Variants in HIVEP2 observed in about 807,000 individuals in gnomAD.
The protein encoded by HIVEP2 is HIVEP zinc finger 2.
HIVEP2 carries 14 observed loss-of-function variants against 180.7 expected under a neutral mutation model. The observed-to-expected ratio is 0.08, with a 90% CI of 0.05 to 0.12. HIVEP2 has a LOEUF of 0.12. Ranked by LOEUF, HIVEP2 falls within the 10% of genes least tolerant of loss-of-function variation. The pLI is 1.00. For synonymous variants in HIVEP2, 1,184 were observed against 1,136.4 expected (o/e 1.04, Z -0.84); for missense variants, 2,579 against 3,008.5 (o/e 0.86, Z 3.34).
At chr6:142,802,505 C>A (rs1303897893) in intron 2 of HIVEP2, among the ~76,000 whole-genome samples, 5 of 151,598 alleles carry the variant, frequency 3.3e-5, no homozygotes, top group Admixed American at 3.3e-4. Context: ...ACATCTGAGT[C>A]TTGGCCATGA....
chr6:142,822,705 T>C (rs1182175024), intron 2 of HIVEP2, among the ~76,000 whole-genome samples: 1 of 152,228 alleles, frequency 6.6e-6, no homozygotes, highest in East Asian at 1.9e-4. Flanking sequence ...AATGATTGCA[T>C]TGTGTCCCTG....
rs1244947034 is a variant in HIVEP2, at chr6:142,752,871, C to G, written c.*236G>C. 1 of 455,562 alleles carries G rather than the reference C, an allele frequency of 2.2e-6. No individual in the cohort carries two copies. Among genetic ancestry groups the G allele is most frequent in the Non-Finnish European group, 3.9e-6 (1 of 257,084 alleles). The allele number at this position is 455,562 out of a possible 1,614,324, so 28.2% of individuals were successfully genotyped here. ...AAGCAAAGTAAAGAAAAGGCACAAA[C>G]ATCTGTACAATTTTAAAAGTACCAG... is the stretch of plus-strand genomic sequence containing the variant. On this transcript the variant is annotated 3_prime_UTR_variant, in exon 10 of 10. Coordinates refer to ENST00000367603, the MANE Select transcript of HIVEP2 (RefSeq NM_006734.4).
intron 2 of HIVEP2, among the ~76,000 whole-genome samples, chr6:142,797,261 A>T (rs1384755018): frequency 2.6e-5 from 4 of 152,156 alleles, no homozygotes; most frequent in African/African-American, 9.7e-5. Context: ...ATTAAAAAAA[A>T]ATTTTTTAGA....
intron 1 of HIVEP2, among the ~76,000 whole-genome samples, chr6:142,921,285 C>T (rs1237131867): frequency 6.6e-6 from 1 of 152,200 alleles, no homozygotes; most frequent in East Asian, 1.9e-4. Flanking sequence ...CTCATGCCTG[C>T]AATCCCAGCA....
intron 2 of HIVEP2, among the ~76,000 whole-genome samples, chr6:142,812,501 T>G (rs1284814758): frequency 6.6e-6 from 1 of 152,318 alleles, no homozygotes; most frequent in Non-Finnish European, 1.5e-5. Context: ...CTAAGTATCC[T>G]ATACCATGCC....
chr6:142,815,573 C>A (rs1315145913), intron 2 of HIVEP2, among the ~76,000 whole-genome samples: 1 of 152,138 alleles, frequency 6.6e-6, no homozygotes, highest in African/African-American at 2.4e-5. Flanking sequence ...ACATTTCTAA[C>A]ATAGATTAAT....
intron 1 of HIVEP2, among the ~76,000 whole-genome samples, chr6:142,937,121 G>C (rs941010368): frequency 1.3e-5 from 2 of 152,160 alleles, no homozygotes; most frequent in Non-Finnish European, 2.9e-5. Flanking sequence ...CAAAGAACCA[G>C]AGAATTTAGT....
intron 3 of HIVEP2, among the ~76,000 whole-genome samples, chr6:142,781,289 C>T (rs1055572199): frequency 6.6e-6 from 1 of 152,044 alleles, no homozygotes; most frequent in African/African-American, 2.4e-5. Context: ...CATATGAAAA[C>T]AGCGAGTCGT....
In HIVEP2 at chr6:142,773,188, T is replaced by C; in HGVS notation, c.1551A>G (p.Lys517=). ...IIPSSIRNEG[K]LYPANFQGSN... is the part of the protein sequence containing the mutation. ...TGCCTTGGAAGTTTGCTGGATAAAG[T>C]TTTCCTTCGTTCCTGATAGATGATG... The change falls in exon 5 of 10, where the codon AAA becomes AAG. Residue 517 remains lysine (K), a synonymous_variant. Transcript: ENST00000367603. 6.2e-7 allele frequency: 1 copy of C among 1,614,190 alleles called. No individual in the cohort carries two copies.
intron 1 of HIVEP2, among the ~76,000 whole-genome samples, chr6:142,893,222 A>C (rs1289561237): frequency 6.6e-6 from 1 of 152,166 alleles, no homozygotes; most frequent in African/African-American, 2.4e-5. Context: ...CCTGAGCCTC[A>C]GTGGGAATAA....
Position 142,774,528 on chromosome 6 carries a change from A to G in HIVEP2, c.211T>C (p.Ser71Pro). The stretch of plus-strand genomic sequence containing the variant: ...ACTTGCTGCACCACTTCACTAGGGG[A>G]GGCCAGTTTCCCAGAACCAAACAGT... ...AQLFGSGKLA[S>P]PSEVVQQVAE... The change falls in exon 5 of 10, where the codon TCC becomes CCC. Residue 71 changes from serine to proline, a missense_variant. Physicochemically the swap from Ser to Pro is moderately conservative, Grantham distance 74. This residue lies in a region of HIVEP2 where 207 missense variants were observed against 210.1 expected (regional missense o/e 0.99). Coordinates refer to ENST00000367603, the MANE Select transcript of HIVEP2 (RefSeq NM_006734.4). The surrounding 1 kb of genome is among the most constrained non-coding windows in gnomAD (Gnocchi z 5.1). 1 of 1,614,158 alleles carries G rather than the reference A, an allele frequency of 6.2e-7. No individual in the cohort carries two copies. Among genetic ancestry groups the G allele is most frequent in the Admixed American group, 1.7e-5 (1 of 60,026 alleles).
intron 2 of HIVEP2, among the ~76,000 whole-genome samples, chr6:142,820,589 C>T (rs533824387): frequency 1.3e-5 from 2 of 152,214 alleles, no homozygotes; most frequent in Non-Finnish European, 2.9e-5. Flanking sequence ...TACAGCAACA[C>T]TGCATTTATT....
rs866760177 is a variant in HIVEP2 at position 142,800,708 on chromosome 6, G to A, written c.-527-17093C>T. 3.9e-5 allele frequency among the ~76,000 whole-genome samples: 6 copies of A among 152,010 alleles called. No individual in the cohort carries two copies. The South Asian group carries it at 1.2e-3, about 31-fold the overall frequency. On this transcript the variant is annotated intron_variant, in intron 2 of 9. Transcript: ENST00000367603. ...GGAGAATTTGAGAGGCTTAGGAGGAGGAATCCCTCAAAATGCATAGAAGAT... is the reference window on the plus strand; with the variant it reads ...GGAGAATTTGAGAGGCTTAGGAGGAAGAATCCCTCAAAATGCATAGAAGAT...
Position 142,853,377 on chromosome 6 carries a change from C to T in HIVEP2, c.-640-16330G>A, listed in dbSNP as rs138491632. ...AATTCACTTGTAACAGGTGCTAGCA[C>T]CTGTTCTTCCGGCTCCCAGAATAGT... is the stretch of plus-strand genomic sequence containing the variant. On this transcript the variant is annotated intron_variant, in intron 1 of 9. Transcript: ENST00000367603. Among the ~76,000 whole-genome samples, 3 of 152,274 alleles carry T rather than the reference C, an allele frequency of 2.0e-5. No homozygotes were observed. The East Asian group carries it at 5.8e-4, about 29-fold the overall frequency.
At chr6:142,864,468 G>A (rs372575279) in intron 1 of HIVEP2, among the ~76,000 whole-genome samples, 3 of 152,036 alleles carry the variant, frequency 2.0e-5, no homozygotes, top group African/African-American at 7.2e-5. Context: ...GTACACTACA[G>A]GTCAACTCAG....
chr6:142,926,604 G>A (rs1777817027), intron 1 of HIVEP2, among the ~76,000 whole-genome samples: 4 of 152,250 alleles, frequency 2.6e-5, no homozygotes. Flanking sequence ...CACTTCGGGA[G>A]CCCCCGGTGC....
At chr6:142,884,214 A>C (rs1376838591) in intron 1 of HIVEP2, among the ~76,000 whole-genome samples, 1 of 152,124 alleles carries the variant, frequency 6.6e-6, no homozygotes, top group Middle Eastern at 3.2e-3. Flanking sequence ...GCATCTCATA[A>C]TTTGGTTCCT....
chr6:142,834,186 A>G (rs1479387944), intron 2 of HIVEP2, among the ~76,000 whole-genome samples: 2 of 152,172 alleles, frequency 1.3e-5, no homozygotes, highest in African/African-American at 4.8e-5. Flanking sequence ...CCTAATTGGT[A>G]TAAGTAATAA....
At chr6:142,884,871 A>G (rs1031079269) in intron 1 of HIVEP2, among the ~76,000 whole-genome samples, 6 of 152,276 alleles carry the variant, frequency 3.9e-5, no homozygotes, top group Admixed American at 1.3e-4. Flanking sequence ...ATTCAGTTAT[A>G]ATGCATTTTC....
Sources: allele counts gnomAD v4.1 joint callset (sites outside exome capture counted in the v4.1 genomes callset), GRCh38; gene constraint gnomAD v4.1.1; regional missense constraint gnomAD v4.1.1; non-coding constraint Gnocchi (gnomAD v3.1); transcripts MANE v1.5; gene names NCBI Gene and HGNC (gene_info 2026-07-23, HGNC 2026-07-21).